The following GBP7 variants were observed in gnomAD, a reference collection of about 807,000 sequenced individuals.
GBP7 encodes guanylate-binding protein 7.
Under a neutral mutation model 61.3 loss-of-function variants are expected in GBP7, and 43 were observed. The ratio of observed to expected loss-of-function variants is 0.70; its 90% CI spans 0.55 to 0.91. GBP7 has a LOEUF of 0.91. Among genes scored for constraint, GBP7 ranks in the 40% least tolerant of loss-of-function variants. GBP7 has a pLI of 0.00. For synonymous variants in GBP7, 267 were observed against 271.0 expected, an observed-to-expected ratio of 0.99 and a Z score of 0.14; for missense variants, 717 against 740.5, an observed-to-expected ratio of 0.97 and a Z score of 0.37.
chr1:89,170,871 C>A (rs1647578018), intron 2 of GBP7, among the ~76,000 whole-genome samples: 2 of 152,172 alleles, frequency 1.3e-5, no homozygotes, highest in African/African-American at 4.8e-5. Flanking sequence ...TTACTTGCTG[C>A]CATCAGGGTC....
Position 89,171,877 on chromosome 1 carries a change from T to C in GBP7, c.59A>G (p.His20Arg), listed in dbSNP as rs748290839. 8.7e-6 allele frequency: 14 copies of C among 1,613,656 alleles called. No individual in the cohort carries two copies. The East Asian group carries it at 3.1e-4, about 36-fold the overall frequency. Residue 20 changes from histidine (H) to arginine (R), a missense_variant, in exon 2 of 11, where the codon CAT becomes CGT. Coordinates refer to ENST00000294671, the MANE Select transcript of GBP7 (RefSeq NM_207398.3). ...PVCLTENTKG[H>R]LVVNSEALEI... ...CAGAGCTTCTGAATTCACCACCAGA[T>C]GCCCTTTAGTGTTCTCAGTGAGGCA...
Position 89,152,762 on chromosome 1 carries a change from C to A in GBP7, c.334G>T (p.Asp112Tyr), listed in dbSNP as rs370780224. Residue 112 changes from aspartate to tyrosine, a missense_variant, in exon 4 of 11, where the codon GAC (aspartate) becomes TAC (tyrosine). Coordinates refer to ENST00000294671, the MANE Select transcript of GBP7 (RefSeq NM_207398.3). ...GDMEKSDPKS[D>Y]SWIFALAVLL... ...ACAGCCAGGGCAAAGATCCACGAGT[C>A]ACTCTTAGGGTCACTCTAGTGTTAA... 3.2e-6 allele frequency: 5 copies of A among 1,582,058 alleles called. No homozygotes were observed. The highest frequency in any genetic ancestry group is 4.3e-6 in the Non-Finnish European group (5 of 1,156,058).
intron 8 of GBP7, 28 bp downstream of exon 8, chr1:89,147,539 T>C (rs1472204148): frequency 1.3e-6 from 2 of 1,560,522 alleles, no homozygotes; most frequent in Admixed American, 1.7e-5. Context: ...TCCTCTGTCA[T>C]CCATCCCCTT....
chr1:89,148,563 C>A lies in GBP7; in HGVS notation c.1152+729G>T, dbSNP rs114225891. Among the ~76,000 whole-genome samples the A allele has an allele frequency of 8.0e-3, 1,218 of 152,314 alleles. 16 individuals are homozygous for A. The highest frequency in any genetic ancestry group is 0.027 in the African/African-American group (1,135 of 41,562). ...CCAAATTACATGAGCTCTTTGAAAG[C>A]AGAGCTTTTTTGTTTACCTTGAGGC... On this transcript the variant is annotated intron_variant, in intron 7 of 10. Coordinates refer to ENST00000294671, the MANE Select transcript of GBP7 (RefSeq NM_207398.3).
intron 5 of GBP7, 36 bp from the exon 6 acceptor site, chr1:89,150,611 A>C (rs1282557319): frequency 2.5e-6 from 4 of 1,602,088 alleles, no homozygotes; most frequent in Non-Finnish European, 2.6e-6. Flanking sequence ...ACTGAAGAAC[A>C]GGTTTTAAGT....
chr1:89,136,382 A>T (rs1366743703), intron 9 of GBP7, among the ~76,000 whole-genome samples: 1 of 152,158 alleles, frequency 6.6e-6, no homozygotes, highest in East Asian at 1.9e-4. Flanking sequence ...TGCACATGGC[A>T]CATACTCTAA....
Position 89,152,742 on chromosome 1 carries a change from C to A in GBP7, c.354G>T (p.Leu118=). 6.2e-7 allele frequency: 1 copy of A among 1,611,312 alleles called. No homozygotes were observed. ...DPKSDSWIFA[L]AVLLSSSFVY... Reference sequence around the variant, plus strand: ...CAAAGCTGCTGCTTAGAAGCACAGCCAGGGCAAAGATCCACGAGTCACTCT... The same window carrying A: ...CAAAGCTGCTGCTTAGAAGCACAGCAAGGGCAAAGATCCACGAGTCACTCT... Residue 118 remains leucine (L), a synonymous_variant, in exon 4 of 11, where the codon CTG becomes CTT. Coordinates refer to ENST00000294671, the MANE Select transcript of GBP7 (RefSeq NM_207398.3).
intron 2 of GBP7, among the ~76,000 whole-genome samples, chr1:89,165,357 A>G (rs1323373451): frequency 6.6e-6 from 1 of 151,992 alleles, no homozygotes; most frequent in African/African-American, 2.4e-5. Flanking sequence ...AAAATTAGCC[A>G]GGCATGGTCG....
At chr1:89,137,706 A>G (rs1421237645) in intron 9 of GBP7, among the ~76,000 whole-genome samples, 2 of 152,204 alleles carry the variant, frequency 1.3e-5, no homozygotes, top group African/African-American at 4.8e-5. Flanking sequence ...ACTGAATGTG[A>G]AAAAGCTGGA....
chr1:89,149,194 A>T, intron 7 of GBP7, 98 bp downstream of exon 7: 1 of 1,033,250 alleles, frequency 9.7e-7, no homozygotes, highest in Non-Finnish European at 1.4e-6. Context: ...ATCTCCCTTT[A>T]CTACAAGAAG....
chr1:89,152,470 A>G lies in GBP7; in HGVS notation c.429-6T>C. 6.2e-7 allele frequency: 1 copy of G among 1,613,448 alleles called. No individual in the cohort carries two copies. Among genetic ancestry groups the G allele is most frequent in the Non-Finnish European group, 8.5e-7 (1 of 1,179,500 alleles). On this transcript the variant is annotated splice_region_variant and splice_polypyrimidine_tract_variant and intron_variant, in intron 4 of 10. Coordinates refer to ENST00000294671, the MANE Select transcript of GBP7 (RefSeq NM_207398.3). Reference sequence around the variant, plus strand: ...CTGTTAGCTCAGTCACGTAGCTGGGATCTCAGCTAAGGAAGGATAGCACCC... The same window carrying G: ...CTGTTAGCTCAGTCACGTAGCTGGGGTCTCAGCTAAGGAAGGATAGCACCC...
rs1466429841 is a variant in GBP7, at chr1:89,131,832, C to A, written c.*317G>T. Reference sequence around the variant, plus strand: ...TTAAAATATGTGGCGTTACTCTCTTCTCACTGATTTGCAAGAGCTAATTAT... The same window carrying A: ...TTAAAATATGTGGCGTTACTCTCTTATCACTGATTTGCAAGAGCTAATTAT... On this transcript the variant is annotated 3_prime_UTR_variant, in exon 11 of 11. Coordinates refer to ENST00000294671, the MANE Select transcript of GBP7 (RefSeq NM_207398.3). 4.2e-5 allele frequency: 8 copies of A among 189,280 alleles called. No individual in the cohort carries two copies. The highest frequency in any genetic ancestry group is 8.6e-5 in the Non-Finnish European group (8 of 92,574). The allele number at this position is 189,280 out of a possible 1,614,324, so 11.7% of individuals were successfully genotyped here.
intron 8 of GBP7, among the ~76,000 whole-genome samples, chr1:89,145,902 A>T (rs1682051111): frequency 1.1e-5 from 1 of 88,720 alleles, no homozygotes; most frequent in Admixed American, 1.1e-4. Context: ...TATCTAAAAA[A>T]AATCTACAGG....
At chr1:89,171,167 C>G (rs1423866211) in intron 2 of GBP7, among the ~76,000 whole-genome samples, 1 of 152,078 alleles carries the variant, frequency 6.6e-6, no homozygotes, top group Non-Finnish European at 1.5e-5. Context: ...AACAGAGGAA[C>G]TCAAGATATG....
Position 89,133,328 on chromosome 1 carries a change from T to G in GBP7, c.1592A>C (p.Lys531Thr). The change falls in exon 10 of 11, where the codon AAG (lysine) becomes ACG (threonine). Residue 531 changes from lysine to threonine, a missense_variant. Physicochemically the swap from Lys to Thr is moderately conservative, Grantham distance 78. This residue lies in a region of GBP7 where 312 missense variants were observed against 310.1 expected (regional missense o/e 1.01). Coordinates refer to ENST00000294671, the MANE Select transcript of GBP7 (RefSeq NM_207398.3). The part of the protein sequence containing the change: ...RSFQENIAQL[K>T]KKMERERENY... ...TTCCCTTTCCCTCTCCATCTTCTTC[T>G]TGAGTTGAGCTATGTTTTCCTGGAA... The G allele has an allele frequency of 6.2e-7, 1 of 1,614,080 alleles. No homozygotes were observed. Among genetic ancestry groups the G allele is most frequent in the Non-Finnish European group, 8.5e-7 (1 of 1,179,976 alleles).
chr1:89,160,248 T>G (rs932493349), intron 3 of GBP7, among the ~76,000 whole-genome samples: 1 of 151,312 alleles, frequency 6.6e-6, no homozygotes, highest in African/African-American at 2.4e-5. Context: ...CATTAGGGGA[T>G]ATACCTAATG....
intron 3 of GBP7, among the ~76,000 whole-genome samples, chr1:89,161,908 A>G (rs149511618): frequency 0.011 from 1,714 of 152,164 alleles, 29 homozygotes; most frequent in African/African-American, 0.039. Context: ...TTTGGGTTGT[A>G]TATTTAAGTC....
In GBP7 at chr1:89,173,911, A is replaced by C. The variant is rs149107160; in HGVS notation, c.-19-1957T>G. On this transcript the variant is annotated intron_variant, in intron 1 of 10. Coordinates refer to ENST00000294671, the MANE Select transcript of GBP7 (RefSeq NM_207398.3). The stretch of plus-strand genomic sequence containing the variant: ...CTTCTATTCTTTCTACCACATTCCC[A>C]CCCATCCTCCATAGATACCCAATCT... Among the ~76,000 whole-genome samples the C allele has an allele frequency of 5.0e-3, 766 of 152,054 alleles. 7 individuals carry two copies. The highest frequency in any genetic ancestry group is 0.017 in the African/African-American group (720 of 41,462).
chr1:89,169,332 C>T (rs115875812), intron 2 of GBP7, among the ~76,000 whole-genome samples: 1,739 of 152,214 alleles, frequency 0.011, 29 homozygotes, highest in African/African-American at 0.039. Flanking sequence ...AAAGTGTCAA[C>T]GAAGCAAACT....
Sources: gnomAD v4.1 joint callset for allele counts (sites outside exome capture counted in the v4.1 genomes callset) on GRCh38, gnomAD v4.1.1 for gene constraint, gnomAD v4.1.1 regional missense constraint, MANE v1.5 for transcripts, NCBI Gene and HGNC (gene_info 2026-07-23, HGNC 2026-07-21) for gene names.